The following PRKG1 variants were observed in gnomAD, a reference collection of about 807,000 sequenced individuals.
PRKG1 encodes the protein protein kinase cGMP-dependent 1.
A neutral mutation model predicts 88.1 loss-of-function variants in PRKG1; 35 were observed. That is an observed-to-expected ratio of 0.40 (90% CI 0.30 to 0.53). The LOEUF is 0.53. Among genes scored for constraint, PRKG1 ranks in the 20% least tolerant of loss-of-function variants. PRKG1 has a pLI of 0.59. For missense variants in PRKG1, 540 were observed against 839.8 expected (o/e 0.64, Z 4.41); for synonymous variants, 303 against 292.5 (o/e 1.04, Z -0.37).
intron 2 of PRKG1, among the ~76,000 whole-genome samples, chr10:51,293,697 A>G (rs1181642696): frequency 6.6e-6 from 1 of 152,168 alleles, no homozygotes; most frequent in Non-Finnish European, 1.5e-5. Context: ...GAGTGCAGAT[A>G]TCTCTTCAAC....
At chr10:51,347,876 A>G (rs1842148814) in intron 2 of PRKG1, among the ~76,000 whole-genome samples, 2 of 149,922 alleles carry the variant, frequency 1.3e-5, no homozygotes, top group South Asian at 4.3e-4. Flanking sequence ...CCTGGCTAAC[A>G]CGGTGAAACC....
chr10:51,131,553 C>T (rs1845567665), intron 1 of PRKG1, among the ~76,000 whole-genome samples: 1 of 152,102 alleles, frequency 6.6e-6, no homozygotes, highest in Non-Finnish European at 1.5e-5. Context: ...TCGAGACCAG[C>T]CTGATCAACA....
At position 51,470,308 on chromosome 10, in the gene PRKG1, G is replaced by A. The variant is rs548811288; in HGVS notation, c.592+2472G>A. Among the ~76,000 whole-genome samples the A allele has an allele frequency of 6.3e-4, 95 of 151,784 alleles. 1 individual carries two copies. The highest frequency in any genetic ancestry group is 1.8e-3 in the African/African-American group (75 of 41,476). On this transcript the variant is annotated intron_variant, in intron 3 of 17. Coordinates refer to ENST00000373980, the MANE Select transcript of PRKG1 (RefSeq NM_006258.4). ...TGGAGTATCAAATGACAAGAGTATT[G>A]ACCATTTTGAGTATCATTCAAAATG...
intron 1 of PRKG1, among the ~76,000 whole-genome samples, chr10:51,128,042 G>T (rs1427558031): frequency 6.6e-6 from 1 of 152,098 alleles, no homozygotes; most frequent in African/African-American, 2.4e-5. Context: ...AGGTTGATAG[G>T]TGCAGCAAAC....
At chr10:51,044,520 C>CA (rs1417579352) in intron 1 of PRKG1, among the ~76,000 whole-genome samples, 3 of 151,850 alleles carry the variant, frequency 2.0e-5, no homozygotes, top group Admixed American at 1.3e-4. Context: ...ATTCTTACAT[C>CA]AAAAAAATAA....
intron 3 of PRKG1, among the ~76,000 whole-genome samples, chr10:51,545,589 A>G (rs1045545820): frequency 6.6e-6 from 1 of 152,158 alleles, no homozygotes; most frequent in African/African-American, 2.4e-5. Flanking sequence ...GAACAGCAGC[A>G]AAGTAATTCG....
intron 9 of PRKG1, among the ~76,000 whole-genome samples, chr10:52,234,689 T>C (rs1161654087): frequency 1.6e-5 from 2 of 125,774 alleles, no homozygotes; most frequent in Non-Finnish European, 3.3e-5. Flanking sequence ...CTACGTCTGA[T>C]TGGTGTACCT....
intron 1 of PRKG1, among the ~76,000 whole-genome samples, chr10:51,019,532 C>A (rs1324527322): frequency 6.6e-6 from 1 of 151,934 alleles, no homozygotes; most frequent in Non-Finnish European, 1.5e-5. Flanking sequence ...AGGCCTAAAA[C>A]CATAAGGCTC....
chr10:51,795,406 G>T (rs116160300), intron 3 of PRKG1, among the ~76,000 whole-genome samples: 3,513 of 152,172 alleles, frequency 0.023, 119 homozygotes, highest in African/African-American at 0.079. Flanking sequence ...TTCCAGTTAA[G>T]AAAGGTTAAA....
chr10:51,091,370 G>A (rs1300002664), intron 1 of PRKG1, among the ~76,000 whole-genome samples: 1 of 152,056 alleles, frequency 6.6e-6, no homozygotes, highest in Non-Finnish European at 1.5e-5. Flanking sequence ...GAACCCAATT[G>A]CAGTCAGTCC....
intron 1 of PRKG1, among the ~76,000 whole-genome samples, chr10:51,143,587 C>T (rs117212100): frequency 0.017 from 2,555 of 152,120 alleles, 33 homozygotes; most frequent in Middle Eastern, 0.027. Flanking sequence ...TATATTCTCA[C>T]CAACAGTGTG....
chr10:51,091,796 C>G (rs1044796476), intron 1 of PRKG1, among the ~76,000 whole-genome samples: 1 of 151,994 alleles, frequency 6.6e-6, no homozygotes, highest in Admixed American at 6.6e-5. Context: ...ATACCTTTTC[C>G]CTCTAATCTT....
intron 5 of PRKG1, among the ~76,000 whole-genome samples, chr10:52,050,945 A>G (rs183625291): frequency 6.6e-6 from 1 of 152,236 alleles, no homozygotes; most frequent in African/African-American, 2.4e-5. Context: ...ATGTCTGGAG[A>G]TAGTTTTGAT....
At chr10:51,400,187 C>T (rs917906722) in intron 2 of PRKG1, among the ~76,000 whole-genome samples, 14 of 151,972 alleles carry the variant, frequency 9.2e-5, no homozygotes, top group Non-Finnish European at 4.4e-5. Flanking sequence ...TTAAGACAGA[C>T]AACGTATTTT....
At chr10:51,232,593 A>G (rs1404560995) in intron 2 of PRKG1, among the ~76,000 whole-genome samples, 2 of 152,164 alleles carry the variant, frequency 1.3e-5, no homozygotes, top group Non-Finnish European at 2.9e-5. Flanking sequence ...CACAGTGACA[A>G]TGTTTTCTGT....
intron 2 of PRKG1, among the ~76,000 whole-genome samples, chr10:51,244,509 C>G (rs1011072774): frequency 4.0e-5 from 6 of 151,888 alleles, no homozygotes; most frequent in Non-Finnish European, 1.5e-5. Flanking sequence ...CCCAATTCCC[C>G]CTGCTGTGGA....
At chr10:51,829,209 T>G (rs964512617) in intron 4 of PRKG1, among the ~76,000 whole-genome samples, 9 of 152,240 alleles carry the variant, frequency 5.9e-5, no homozygotes, top group Non-Finnish European at 1.3e-4. Flanking sequence ...GGATAAATGA[T>G]GCAAGACAGA....
At chr10:51,597,706 G>A (rs562481836) in intron 3 of PRKG1, among the ~76,000 whole-genome samples, 407 of 152,212 alleles carry the variant, frequency 2.7e-3, no homozygotes, top group Admixed American at 5.2e-3. Context: ...TTGGATGCAC[G>A]AGAAGGTATG....
chr10:51,823,866 C>CTTT (rs5784887), intron 4 of PRKG1, among the ~76,000 whole-genome samples: 5 of 78,716 alleles, frequency 6.4e-5, no homozygotes, highest in Non-Finnish European at 9.3e-5. Context: ...TTTCTCTCTC[C>CTTT]TTTTTTTTTT....
Sources: gnomAD v4.1 joint callset for allele counts (sites outside exome capture counted in the v4.1 genomes callset) on GRCh38, gnomAD v4.1.1 for gene constraint, MANE v1.5 for transcripts, NCBI Gene and HGNC (gene_info 2026-07-23, HGNC 2026-07-21) for gene names.